The following RUNX2 variants were observed in gnomAD, a reference collection of about 807,000 sequenced individuals.
RUNX2 encodes the protein RUNX family transcription factor 2, also known as runt-related transcription factor 2.
In RUNX2, 10 loss-of-function variants were observed where a neutral mutation model predicts 51.7. The observed-to-expected ratio is 0.19, with a 90% confidence interval of 0.12 to 0.33. RUNX2 has a LOEUF of 0.33. Ranked by LOEUF, RUNX2 falls within the 10% of genes least tolerant of loss-of-function variation. The pLI, the probability that RUNX2 is intolerant of heterozygous loss-of-function variation, is 1.00. For missense variants in RUNX2, 562 were observed against 691.3 expected (o/e 0.81, Z 2.10); for synonymous variants, 276 against 273.6 (o/e 1.01, Z -0.09).
intron 5 of RUNX2, among the ~76,000 whole-genome samples, chr6:45,453,415 T>C (rs1436628115): frequency 1.3e-5 from 2 of 152,228 alleles, no homozygotes; most frequent in Non-Finnish European, 2.9e-5. Flanking sequence ...CTGGCTCTGT[T>C]TTCCTGAGGA....
intron 5 of RUNX2, among the ~76,000 whole-genome samples, chr6:45,459,881 G>A (rs866356596): frequency 9.9e-5 from 15 of 152,256 alleles, no homozygotes; most frequent in South Asian, 2.1e-4. Flanking sequence ...AATAGGGAGC[G>A]AGCCATCTAT....
At chr6:45,514,859 A>G (rs1313115071) in intron 7 of RUNX2, among the ~76,000 whole-genome samples, 1 of 152,018 alleles carries the variant, frequency 6.6e-6, no homozygotes, top group Non-Finnish European at 1.5e-5. Context: ...TCCTCTCAAC[A>G]TCTAAACCCA....
chr6:45,530,779 C>G (rs1801817847), intron 7 of RUNX2, among the ~76,000 whole-genome samples: 1 of 152,220 alleles, frequency 6.6e-6, no homozygotes, highest in Admixed American at 6.5e-5. Context: ...TCTGTAACAG[C>G]TCTTTTCTGA....
intron 7 of RUNX2, among the ~76,000 whole-genome samples, chr6:45,539,169 G>C (rs1802139910): frequency 6.6e-6 from 1 of 151,372 alleles, no homozygotes; most frequent in South Asian, 2.1e-4. Flanking sequence ...CTCAAAATTT[G>C]GGTGGGTTTA....
rs115462502 is a variant in RUNX2 at position 45,440,758 on chromosome 6, C to T, written c.685+2707C>T. Among the ~76,000 whole-genome samples the T allele has an allele frequency of 8.9e-3, 1,359 of 152,112 alleles. 21 individuals carry two copies. Among genetic ancestry groups the T allele is most frequent in the African/African-American group, 0.031 (1,270 of 41,472 alleles). ...ATGTATGTTTCATATACACCTTATG[C>T]ACACAGTTTGAAGATAATTTTATAC... On this transcript the variant is annotated intron_variant, in intron 5 of 8. Coordinates refer to ENST00000647337, the MANE Select transcript of RUNX2 (RefSeq NM_001024630.4).
At chr6:45,451,838 G>A (rs2150380458) in intron 5 of RUNX2, among the ~76,000 whole-genome samples, 2 of 152,268 alleles carry the variant, frequency 1.3e-5, no homozygotes, top group African/African-American at 4.8e-5. Flanking sequence ...GTGCAACAAA[G>A]TGCCACCTTT....
chr6:45,539,013 C>T (rs1802133889), intron 7 of RUNX2, among the ~76,000 whole-genome samples: 1 of 152,176 alleles, frequency 6.6e-6, no homozygotes, highest in African/African-American at 2.4e-5. Context: ...AGATCTCTCT[C>T]ATTTTTCCTC....
chr6:45,398,001 A>G (rs1408450566), intron 2 of RUNX2, among the ~76,000 whole-genome samples: 3 of 151,992 alleles, frequency 2.0e-5, no homozygotes, highest in African/African-American at 7.2e-5. Flanking sequence ...GATGATTTAC[A>G]CTCAGTTTTG....
intron 2 of RUNX2, among the ~76,000 whole-genome samples, chr6:45,339,041 AAATAAG>A (rs1182392560): frequency 6.6e-6 from 1 of 152,186 alleles, no homozygotes; most frequent in Non-Finnish European, 1.5e-5. Flanking sequence ...GAAAAATTAA[AAATAAG>A]AATATTTACA....
intron 5 of RUNX2, among the ~76,000 whole-genome samples, chr6:45,471,460 T>A (rs1197364681): frequency 6.6e-6 from 1 of 151,480 alleles, no homozygotes; most frequent in Non-Finnish European, 1.5e-5. Flanking sequence ...TTTTTTTTTT[T>A]TTGAGATGGA....
chr6:45,381,662 T>C (rs6458442), intron 2 of RUNX2, among the ~76,000 whole-genome samples: 151,863 of 152,246 alleles, frequency 1, 75,741 homozygotes, highest in Middle Eastern at 1. Context: ...CTCCTAGGCT[T>C]AAGAGATCCT....
chr6:45,362,098 C>A (rs913136158), intron 2 of RUNX2, among the ~76,000 whole-genome samples: 13 of 152,152 alleles, frequency 8.5e-5, no homozygotes, highest in Admixed American at 6.5e-5. Flanking sequence ...GTTAAGAATG[C>A]CTCACTGGTG....
chr6:45,337,866 G>C lies in RUNX2; in HGVS notation c.58+9082G>C, dbSNP rs147109393. On this transcript the variant is annotated intron_variant, in intron 2 of 8. Coordinates refer to ENST00000647337, the MANE Select transcript of RUNX2 (RefSeq NM_001024630.4). ...TTGGTACTACTGTAAGTAGAAATAAGATTTTATTTTTTTAGAGAAAAAGTA... is the reference window on the plus strand; with the variant it reads ...TTGGTACTACTGTAAGTAGAAATAACATTTTATTTTTTTAGAGAAAAAGTA... Among the ~76,000 whole-genome samples, 802 of 151,908 alleles carry C rather than the reference G, an allele frequency of 5.3e-3. 5 individuals are homozygous for C. Among genetic ancestry groups the C allele is most frequent in the African/African-American group, 0.018 (746 of 41,480 alleles).
chr6:45,518,547 T>G (rs1247782734), intron 7 of RUNX2, among the ~76,000 whole-genome samples: 2 of 152,220 alleles, frequency 1.3e-5, no homozygotes, highest in Non-Finnish European at 2.9e-5. Flanking sequence ...TCACAAAGTT[T>G]ACTAAGCTTG....
intron 5 of RUNX2, among the ~76,000 whole-genome samples, chr6:45,489,755 T>A (rs1191645852): frequency 6.6e-6 from 1 of 152,248 alleles, no homozygotes; most frequent in Non-Finnish European, 1.5e-5. Context: ...TGACAAGTAC[T>A]ATATAATTCC....
intron 6 of RUNX2, 24 bp downstream of exon 6, chr6:45,492,138 C>G (rs1015053095): frequency 3.1e-6 from 5 of 1,612,398 alleles, no homozygotes; most frequent in Non-Finnish European, 3.4e-6. Context: ...ATAGGTTTCA[C>G]TTGCATAGAC....
At chr6:45,400,144 A>G (rs1797678833) in intron 2 of RUNX2, among the ~76,000 whole-genome samples, 1 of 140,962 alleles carries the variant, frequency 7.1e-6, no homozygotes, top group African/African-American at 2.6e-5. Context: ...GGAGGGAGGG[A>G]GGGAAGGAAG....
At chr6:45,497,221 G>A (rs570400295) in intron 6 of RUNX2, among the ~76,000 whole-genome samples, 2 of 152,120 alleles carry the variant, frequency 1.3e-5, no homozygotes, top group Admixed American at 6.5e-5. Context: ...TCTTTTAAAA[G>A]CAGCTCTTGG....
intron 2 of RUNX2, among the ~76,000 whole-genome samples, chr6:45,348,332 C>A (rs1581781124): frequency 6.6e-6 from 1 of 151,760 alleles, no homozygotes; most frequent in African/African-American, 2.4e-5. Flanking sequence ...AAAAAAAATT[C>A]TCTACCATTA....
Sources: allele counts gnomAD v4.1 joint callset (sites outside exome capture counted in the v4.1 genomes callset), GRCh38; gene constraint gnomAD v4.1.1; transcripts MANE v1.5; gene names NCBI Gene and HGNC (gene_info 2026-07-23, HGNC 2026-07-21).